Variants in PDZD7 observed in about 807,000 individuals in gnomAD.
The protein encoded by PDZD7 is PDZ domain-containing protein 7.
In PDZD7, 72 loss-of-function variants were observed where a neutral mutation model predicts 84.7. The observed-to-expected ratio is 0.85, with a 90% CI of 0.70 to 1.03. The LOEUF (loss-of-function observed/expected upper bound fraction) is 1.03, where lower values mean the gene tolerates loss of function less well. PDZD7 is among the 50% of genes least tolerant of loss of function. The probability of loss-of-function intolerance (pLI) is 0.00; values close to 1 mark genes in which losing one functional copy is unlikely to be tolerated. For missense variants in PDZD7, 1,490 were observed against 1,412.9 expected, an observed-to-expected ratio of 1.05 and a Z score of -0.87; for synonymous variants, 594 against 580.7, an observed-to-expected ratio of 1.02 and a Z score of -0.33.
In PDZD7 at chr10:101,008,131, G is replaced by A; in HGVS notation, c.*336C>T. On this transcript the variant is annotated 3_prime_UTR_variant, in exon 17 of 17. Transcript: ENST00000619208. ...TGTCTGAGAGTCTGTGTCCCTGGAG[G>A]CTTGGGCGACTCATAAGGGACAGCA... The A allele has an allele frequency of 2.8e-6, 1 of 357,824 alleles. No individual in the cohort carries two copies. The highest frequency in any genetic ancestry group is 4.4e-5 in the East Asian group (1 of 22,760). 22.2% of individuals were successfully genotyped at this position (357,824 alleles called of 1,614,324 possible).
At chr10:101,014,247 A>T (rs1480601983) in intron 11 of PDZD7, among the ~76,000 whole-genome samples, 2 of 152,092 alleles carry the variant, frequency 1.3e-5, no homozygotes, top group East Asian at 3.9e-4. Flanking sequence ...GTTCAGGGCT[A>T]CATGCCCCAG....
rs554745483 is a variant in PDZD7, at chr10:101,019,071, G to A, written c.1075C>T (p.Arg359Cys). ...TCCGCCCGCCCCCAGCCTGGGCCGC[G>A]GCTGCCGGGCTCCTCCTGCCCGAGG... ...ICLGQEEPGS[R>C]GPGWGRADTA... Residue 359 changes from arginine (R) to cysteine (C), a missense_variant, in exon 8 of 17, where the codon CGC becomes TGC. Coordinates refer to ENST00000619208, the MANE Select transcript of PDZD7 (RefSeq NM_001195263.2). 1.9e-6 allele frequency: 3 copies of A among 1,572,116 alleles called. No individual in the cohort carries two copies. The highest frequency in any genetic ancestry group is 1.8e-5 in the Admixed American group (1 of 55,438).
At chr10:101,011,479 G>A in intron 14 of PDZD7, 2 of 1,350,592 alleles carry the variant, frequency 1.5e-6, no homozygotes, top group Non-Finnish European at 1.9e-6. Flanking sequence ...AAAAGTGAGT[G>A]GGTTTCAAAC....
In PDZD7 at chr10:101,023,983, G is replaced by T. The variant is rs775293957; in HGVS notation, c.312C>A (p.Gly104=). The change falls in exon 3 of 17, where the codon GGC becomes GGA. Residue 104 remains glycine, a synonymous_variant. Transcript: ENST00000619208. ...AGRLGFSVRG[G]SEHGLGIFVS... is the part of the protein sequence containing the mutation. ...CGAAGATGCCCAGGCCATGCTCTGA[G>T]CCCCCGCGCACGCTGAAGCCCAGCC... 5 of 1,614,226 alleles carry T rather than the reference G, an allele frequency of 3.1e-6. No homozygotes were observed. The Admixed American group carries it at 8.3e-5, about 27-fold the overall frequency.
rs1342764410 is a variant in PDZD7 at position 101,008,658 on chromosome 10, C to G, written c.2911G>C (p.Ala971Pro). 4 of 1,536,024 alleles carry G rather than the reference C, an allele frequency of 2.6e-6. No homozygotes were observed. The highest frequency in any genetic ancestry group is 1.4e-5 in the African/African-American group (1 of 73,090). ...GGTTGGTGGGCAGGCAAGTGGTCAG[C>G]AGGAAGGCCCCCATCAGTAAGGGCT... ...SSALTDGGLPADHLPAHQPLD... is the reference protein window; with the variant it reads ...SSALTDGGLPPDHLPAHQPLD... The change falls in exon 17 of 17, where the codon GCT becomes CCT. Residue 971 changes from alanine (A) to proline (P), a missense_variant. Physicochemically the swap from Ala to Pro is conservative, Grantham distance 27. Coordinates refer to ENST00000619208, the MANE Select transcript of PDZD7 (RefSeq NM_001195263.2).
chr10:101,011,598 C>A, intron 14 of PDZD7, 92 bp downstream of exon 14: 1 of 1,504,668 alleles, frequency 6.6e-7, no homozygotes, highest in Non-Finnish European at 8.9e-7. Flanking sequence ...GCCACAACTG[C>A]CCCTAGTGGG....
chr10:101,020,746 G>C, intron 6 of PDZD7, 68 bp from the exon 7 acceptor site: 1 of 1,157,338 alleles, frequency 8.6e-7, no homozygotes, highest in African/African-American at 1.5e-5. Flanking sequence ...GAATGGGGCG[G>C]GGGTGACAGG....
rs368583838 is a variant in PDZD7 at position 101,022,366 on chromosome 10, G to A, written c.562C>T (p.Arg188Cys). 20 of 1,614,142 alleles carry A rather than the reference G, an allele frequency of 1.2e-5. No homozygotes were observed. The highest frequency in any genetic ancestry group is 5.5e-5 in the South Asian group (5 of 91,082). The change falls in exon 5 of 17, where the codon CGC (arginine) becomes TGC (cysteine). Residue 188 changes from arginine (R) to cysteine (C), a missense_variant. Physicochemically the swap from Arg to Cys is radical, Grantham distance 180. Transcript: ENST00000619208. ...KTTWVDVVNR[R>C]LVVEKCGSTP... Reference sequence around the variant, plus strand: ...GAACCGCACTTCTCCACTACCAGGCGCCGATTCACCACATCCACCCTGGAC... The same window carrying A: ...GAACCGCACTTCTCCACTACCAGGCACCGATTCACCACATCCACCCTGGAC...
At chr10:101,026,829 C>A (rs912886261) in intron 2 of PDZD7, among the ~76,000 whole-genome samples, 2 of 152,024 alleles carry the variant, frequency 1.3e-5, no homozygotes, top group African/African-American at 4.8e-5. Flanking sequence ...GGGGCCAGGG[C>A]TTTCCCAGCT....
intron 15 of PDZD7, among the ~76,000 whole-genome samples, 181 bp downstream of exon 15, chr10:101,010,091 C>T (rs1852343207): frequency 6.6e-6 from 1 of 152,138 alleles, no homozygotes; most frequent in Admixed American, 6.5e-5. Context: ...AACGGGGTTT[C>T]GCCATGTAGC....
chr10:101,022,271 G>T lies in PDZD7; in HGVS notation c.657C>A (p.Asp219Glu). The T allele has an allele frequency of 6.2e-7, 1 of 1,614,242 alleles. No homozygotes were observed. Among genetic ancestry groups the T allele is most frequent in the Non-Finnish European group, 8.5e-7 (1 of 1,180,042 alleles). Reference protein sequence around the residue: ...RIVHLYTTSDDFCLGFNIRGG... With the variant: ...RIVHLYTTSDEFCLGFNIRGG... The stretch of plus-strand genomic sequence containing the variant: ...CACGGATGTTGAAGCCCAGGCAGAA[G>T]TCGTCGGAGGTTGTGTATAGGTGGA... Residue 219 changes from aspartate (D) to glutamate (E), a missense_variant, in exon 5 of 17, where the codon GAC (aspartate) becomes GAA (glutamate). By Grantham distance (45) the Asp-to-Glu change is conservative. Transcript: ENST00000619208.
rs894822092 is a variant in PDZD7, at chr10:101,021,963, T to A, written c.720-18A>T. The A allele has an allele frequency of 1.2e-6, 2 of 1,613,858 alleles. No homozygotes were observed. The highest frequency in any genetic ancestry group is 1.7e-5 in the Admixed American group (1 of 59,984). The stretch of plus-strand genomic sequence containing the variant: ...GGTCCACTCTGAGGCCAGACAGGCG[T>A]CAGTCTGATAGGCCCCTGGCCTGCC... On this transcript the variant is annotated intron_variant, in intron 5 of 16. Transcript: ENST00000619208.
At chr10:101,018,447 G>A in intron 8 of PDZD7, 151 bp from the exon 9 acceptor site, 1 of 846,004 alleles carries the variant, frequency 1.2e-6, no homozygotes, top group Non-Finnish European at 1.9e-6. Context: ...TTCCTCTTCC[G>A]ACTTTCTGAC....
In PDZD7 at chr10:101,010,849, G is replaced by C; in HGVS notation, c.2040C>G (p.Asn680Lys). 1.3e-6 allele frequency: 2 copies of C among 1,534,574 alleles called. No homozygotes were observed. The highest frequency in any genetic ancestry group is 1.7e-6 in the Non-Finnish European group (2 of 1,146,890). The change falls in exon 15 of 17, where the codon AAC (asparagine) becomes AAG (lysine). Residue 680 changes from asparagine to lysine, a missense_variant. Coordinates refer to ENST00000619208, the MANE Select transcript of PDZD7 (RefSeq NM_001195263.2). ...SRGGFYLLPV[N>K]GFPEEEDNGE... Reference sequence around the variant, plus strand: ...CATTATCTTCCTCTTCCGGGAAGCCGTTCACCGGCAGCAGGTAGAAGCCTC... The same window carrying C: ...CATTATCTTCCTCTTCCGGGAAGCCCTTCACCGGCAGCAGGTAGAAGCCTC...
intron 12 of PDZD7, 23 bp downstream of exon 12, chr10:101,012,144 C>T (rs1489313314): frequency 6.5e-7 from 1 of 1,548,650 alleles, no homozygotes; most frequent in Non-Finnish European, 8.7e-7. Flanking sequence ...TGCCCCCAAG[C>T]CCTCTCTGCA....
At chr10:101,016,174 A>G (rs189703880) in intron 10 of PDZD7, among the ~76,000 whole-genome samples, 8 of 152,228 alleles carry the variant, frequency 5.3e-5, no homozygotes, top group Middle Eastern at 3.4e-3. Context: ...ATGCATCCCA[A>G]TATCTGTCTG....
chr10:101,013,101 C>G (rs1444913984), intron 11 of PDZD7, among the ~76,000 whole-genome samples: 1 of 152,186 alleles, frequency 6.6e-6, no homozygotes, highest in Non-Finnish European at 1.5e-5. Context: ...CAGAGTGAGT[C>G]ATTCATAAAT....
At chr10:101,022,408 C>A (rs1444131898) in intron 4 of PDZD7, 23 bp from the exon 5 acceptor site, 6 of 1,613,396 alleles carry the variant, frequency 3.7e-6, no homozygotes, top group Non-Finnish European at 5.1e-6. Context: ...AGGGGGCCCT[C>A]AGGTGGGGTC....
intron 2 of PDZD7, among the ~76,000 whole-genome samples, chr10:101,028,648 G>T (rs774058893): frequency 2.9e-4 from 44 of 152,006 alleles, no homozygotes; most frequent in South Asian, 6.2e-4. Context: ...CATCATACAT[G>T]GGCAAAGGGA....
Sources: gnomAD v4.1 joint callset for allele counts (sites outside exome capture counted in the v4.1 genomes callset) on GRCh38, gnomAD v4.1.1 for gene constraint, MANE v1.5 for transcripts, NCBI Gene and HGNC (gene_info 2026-07-23, HGNC 2026-07-21) for gene names.